The following PRKN variants were observed in gnomAD, a reference collection of about 807,000 sequenced individuals.
PRKN encodes the protein parkin RBR E3 ubiquitin protein ligase.
A neutral mutation model predicts 59.5 loss-of-function variants in PRKN; 56 were observed. That is an observed-to-expected ratio of 0.94 (90% confidence interval 0.76 to 1.18). PRKN has a LOEUF of 1.18. PRKN is among the 50% of genes most tolerant of loss of function. The pLI, the probability that PRKN is intolerant of heterozygous loss-of-function variation, is 0.00. For synonymous variants in PRKN, 250 were observed against 222.1 expected (o/e 1.13, Z -1.12); for missense variants, 657 against 596.4 (o/e 1.10, Z -1.06).
At chr6:161,650,406 T>A (rs2076700) in intron 7 of PRKN, among the ~76,000 whole-genome samples, 75,668 of 151,698 alleles carry the variant, frequency 0.5, 21,743 homozygotes, top group African/African-American at 0.81. Flanking sequence ...TGGTATTTCC[T>A]TGTGTTTTAT....
intron 1 of PRKN, among the ~76,000 whole-genome samples, chr6:162,716,948 T>C (rs1334352548): frequency 6.6e-6 from 1 of 152,194 alleles, no homozygotes; most frequent in Non-Finnish European, 1.5e-5. Flanking sequence ...TACTGGTAAC[T>C]GTGGTGGCTG....
intron 7 of PRKN, among the ~76,000 whole-genome samples, chr6:161,736,706 C>T (rs1490167927): frequency 6.6e-6 from 1 of 152,136 alleles, no homozygotes; most frequent in African/African-American, 2.4e-5. Flanking sequence ...CATGACTTCC[C>T]AGAGAATGTC....
intron 2 of PRKN, among the ~76,000 whole-genome samples, chr6:162,299,941 T>C (rs143157860): frequency 2.4e-3 from 364 of 152,352 alleles, no homozygotes; most frequent in South Asian, 0.011. Context: ...TTCATACTTA[T>C]ATAAAATACT....
chr6:162,536,620 C>A (rs1359418436), intron 1 of PRKN, among the ~76,000 whole-genome samples: 1 of 152,120 alleles, frequency 6.6e-6, no homozygotes, highest in East Asian at 1.9e-4. Context: ...TGCTGTGATA[C>A]CGGCAAACTT....
At chr6:162,204,754 T>C (rs977186195) in intron 3 of PRKN, among the ~76,000 whole-genome samples, 1 of 151,742 alleles carries the variant, frequency 6.6e-6, no homozygotes, top group Non-Finnish European at 1.5e-5. Flanking sequence ...AAGAAAAGTG[T>C]ACTGAGTTCA....
At position 162,475,427 on chromosome 6, in the gene PRKN, G is replaced by T. The variant is rs191137798; in HGVS notation, c.8-31954C>A. On this transcript the variant is annotated intron_variant, in intron 1 of 11. Transcript: ENST00000366898. ...AGAGAAATAACAGAGGAAGAGAAAA[G>T]AAAGAGAAACTTGGAGGAGGAACAA... 2.1e-3 allele frequency among the ~76,000 whole-genome samples: 315 copies of T among 152,254 alleles called. 2 individuals are homozygous for T. The highest frequency in any genetic ancestry group is 7.3e-3 in the African/African-American group (303 of 41,552).
At chr6:161,938,002 C>T (rs1269726000) in intron 6 of PRKN, among the ~76,000 whole-genome samples, 3 of 152,146 alleles carry the variant, frequency 2.0e-5, no homozygotes, top group Non-Finnish European at 2.9e-5. Context: ...CAGTAAAAAT[C>T]TGTCCTACTT....
At chr6:161,755,066 A>G (rs1022436390) in intron 7 of PRKN, among the ~76,000 whole-genome samples, 4 of 152,162 alleles carry the variant, frequency 2.6e-5, no homozygotes, top group Non-Finnish European at 2.9e-5. Flanking sequence ...AAACACATCA[A>G]TATGTCATTG....
chr6:162,462,266 T>A (rs1791213501), intron 1 of PRKN, among the ~76,000 whole-genome samples: 1 of 152,332 alleles, frequency 6.6e-6, no homozygotes, highest in South Asian at 2.1e-4. Flanking sequence ...AATATCTACA[T>A]GTTTATATTT....
chr6:161,974,210 C>A (rs1275361053), intron 5 of PRKN, among the ~76,000 whole-genome samples: 1 of 152,176 alleles, frequency 6.6e-6, no homozygotes, highest in Non-Finnish European at 1.5e-5. Context: ...AGGAGAATCA[C>A]TTGAGGTTGC....
At chr6:162,220,497 C>A (rs1777879308) in intron 3 of PRKN, among the ~76,000 whole-genome samples, 1 of 152,132 alleles carries the variant, frequency 6.6e-6, no homozygotes. Context: ...CTAAATCAAT[C>A]AAGGGTAAGA....
chr6:162,559,871 G>T (rs9295192), intron 1 of PRKN, among the ~76,000 whole-genome samples: 46,661 of 151,966 alleles, frequency 0.31, 7,619 homozygotes, highest in East Asian at 0.49. Context: ...AGAAAGGAAA[G>T]TTATGGAATG....
At chr6:161,743,322 C>T (rs1456816340) in intron 7 of PRKN, among the ~76,000 whole-genome samples, 2 of 148,382 alleles carry the variant, frequency 1.3e-5, no homozygotes, top group South Asian at 2.2e-4. Context: ...CGGGTTCATG[C>T]CATTCTCCTG....
intron 1 of PRKN, among the ~76,000 whole-genome samples, chr6:162,523,776 G>C (rs1562354826): frequency 6.6e-6 from 1 of 152,086 alleles, no homozygotes; most frequent in Non-Finnish European, 1.5e-5. Context: ...CAGCACTTCG[G>C]GAGGCTGAGG....
chr6:162,324,716 C>G (rs1202818874), intron 2 of PRKN, among the ~76,000 whole-genome samples: 1 of 151,846 alleles, frequency 6.6e-6, no homozygotes. Context: ...ATTAAAATGG[C>G]CTCTATTTCA....
chr6:161,890,213 T>G (rs2128231854), intron 6 of PRKN, among the ~76,000 whole-genome samples: 1 of 152,332 alleles, frequency 6.6e-6, no homozygotes, highest in East Asian at 1.9e-4. Flanking sequence ...TTAAAAGGCT[T>G]TCTTCCTGAG....
At chr6:161,863,007 A>C (rs1022912839) in intron 6 of PRKN, among the ~76,000 whole-genome samples, 1 of 152,334 alleles carries the variant, frequency 6.6e-6, no homozygotes, top group African/African-American at 2.4e-5. Flanking sequence ...ATTTTCACCT[A>C]AACATAAAGA....
At chr6:162,288,177 A>G (rs2128108319) in intron 2 of PRKN, among the ~76,000 whole-genome samples, 1 of 152,300 alleles carries the variant, frequency 6.6e-6, no homozygotes, top group East Asian at 1.9e-4. Context: ...CAGGTGGTCC[A>G]GAGCCACTCT....
chr6:161,570,148 T>TAAAAAAAAAAAAAAAAAAAA, intron 7 of PRKN, among the ~76,000 whole-genome samples: 1 of 89,630 alleles, frequency 1.1e-5, no homozygotes, highest in Non-Finnish European at 2.1e-5. Flanking sequence ...AAAAAAAAAA[T>TAAAAAAAAAAAAAAAAAAAA]ATATATATAT....
Sources: gnomAD v4.1 joint callset for allele counts (sites outside exome capture counted in the v4.1 genomes callset) on GRCh38, gnomAD v4.1.1 for gene constraint, MANE v1.5 for transcripts, NCBI Gene and HGNC (gene_info 2026-07-23, HGNC 2026-07-21) for gene names.